Variants in MARCHF4 observed in about 807,000 individuals in gnomAD.
MARCHF4 encodes E3 ubiquitin-protein ligase MARCHF4.
A neutral mutation model predicts 43.9 loss-of-function variants in MARCHF4; 14 were observed. That is an observed-to-expected ratio of 0.32 (90% CI 0.21 to 0.50). The LOEUF is 0.50. Ranked by LOEUF, MARCHF4 falls within the 20% of genes least tolerant of loss-of-function variation. MARCHF4 has a pLI of 0.98. For missense variants in MARCHF4, 468 were observed against 536.7 expected, an observed-to-expected ratio of 0.87 and a Z score of 1.27; for synonymous variants, 226 against 213.3, an observed-to-expected ratio of 1.06 and a Z score of -0.52.
intron 3 of MARCHF4, among the ~76,000 whole-genome samples, chr2:216,261,604 A>G (rs1433261325): frequency 5.9e-5 from 9 of 152,168 alleles, no homozygotes; most frequent in African/African-American, 2.2e-4. Flanking sequence ...TACTAGCTAC[A>G]TTTTGGTCAT....
At chr2:216,289,697 C>T (rs1224625299) in intron 1 of MARCHF4, among the ~76,000 whole-genome samples, 1 of 152,156 alleles carries the variant, frequency 6.6e-6, no homozygotes, top group African/African-American at 2.4e-5. Flanking sequence ...CTTTTCTGCC[C>T]ACACAGGTGT....
chr2:216,358,232 C>G (rs1692529377), intron 1 of MARCHF4, among the ~76,000 whole-genome samples: 1 of 152,174 alleles, frequency 6.6e-6, no homozygotes, highest in African/African-American at 2.4e-5. Flanking sequence ...CACACATCTA[C>G]TGCACAGTAA....
intron 3 of MARCHF4, among the ~76,000 whole-genome samples, chr2:216,265,312 G>T (rs1044183868): frequency 6.6e-6 from 1 of 152,150 alleles, no homozygotes; most frequent in African/African-American, 2.4e-5. Flanking sequence ...GGCTGTATTT[G>T]TGGGAAATCC....
chr2:216,332,938 G>A (rs1336684322), intron 1 of MARCHF4, among the ~76,000 whole-genome samples: 2 of 152,168 alleles, frequency 1.3e-5, no homozygotes, highest in African/African-American at 4.8e-5. Context: ...TTAATAAATA[G>A]TTGCTGTGTA....
intron 1 of MARCHF4, among the ~76,000 whole-genome samples, chr2:216,326,356 G>A (rs1691991472): frequency 6.7e-6 from 1 of 148,614 alleles, no homozygotes; most frequent in Non-Finnish European, 1.5e-5. Flanking sequence ...CTTTTACACT[G>A]TTGGTGGGAC....
At chr2:216,354,985 T>G (rs554831845) in intron 1 of MARCHF4, among the ~76,000 whole-genome samples, 1 of 145,774 alleles carries the variant, frequency 6.9e-6, no homozygotes, top group Non-Finnish European at 1.5e-5. Context: ...CTTTCTTTCT[T>G]TTTTGAGACA....
intron 1 of MARCHF4, among the ~76,000 whole-genome samples, chr2:216,346,694 G>A (rs1299068250): frequency 6.6e-6 from 1 of 152,214 alleles, no homozygotes. Flanking sequence ...TGGTCCATAG[G>A]TTGGGGCAAA....
intron 1 of MARCHF4, among the ~76,000 whole-genome samples, chr2:216,315,312 T>C (rs1380369331): frequency 1.3e-5 from 2 of 152,222 alleles, no homozygotes; most frequent in Admixed American, 1.3e-4. Flanking sequence ...AAGTATTCTA[T>C]TCTCTGCTAG....
Position 216,274,704 on chromosome 2 carries a change from G to A in MARCHF4, c.865+2968C>T, listed in dbSNP as rs1690993775. ...TTACTCCTTTTTATTTCTTCTCCTA[G>A]CATTTTCCCCTGTGGACAGCCTTTC... On this transcript the variant is annotated intron_variant, in intron 3 of 3. Coordinates refer to ENST00000273067, the MANE Select transcript of MARCHF4 (RefSeq NM_020814.3). 2.0e-5 allele frequency among the ~76,000 whole-genome samples: 3 copies of A among 152,228 alleles called. No homozygotes were observed. The South Asian group carries it at 6.2e-4, about 32-fold the overall frequency.
intron 1 of MARCHF4, among the ~76,000 whole-genome samples, chr2:216,339,113 G>A (rs769268390): frequency 1.5e-4 from 23 of 152,162 alleles, no homozygotes; most frequent in Non-Finnish European, 3.2e-4. Flanking sequence ...GGGGAGCCTT[G>A]GACCAGTCTT....
chr2:216,283,767 T>G, intron 1 of MARCHF4, 38 bp from the exon 2 acceptor site: 1 of 1,542,730 alleles, frequency 6.5e-7, no homozygotes, highest in Non-Finnish European at 8.8e-7. Flanking sequence ...GGCTGAGACC[T>G]ACAGTGGCTG....
chr2:216,320,889 C>T lies in MARCHF4; in HGVS notation c.517-37160G>A, dbSNP rs913742581. ...AGAGACGGGGTTTCACCATGTTGGTCAGTCTGGTCTCGAACTCCTGACCTC... is the reference window on the plus strand; with the variant it reads ...AGAGACGGGGTTTCACCATGTTGGTTAGTCTGGTCTCGAACTCCTGACCTC... On this transcript the variant is annotated intron_variant, in intron 1 of 3. Coordinates refer to ENST00000273067, the MANE Select transcript of MARCHF4 (RefSeq NM_020814.3). Among the ~76,000 whole-genome samples the T allele has an allele frequency of 3.7e-5, 5 of 136,350 alleles. No individual in the cohort carries two copies. In the South Asian group the frequency reaches 9.4e-4, roughly 26 times the overall value. The allele number at this position is 136,350 out of a possible 152,430, so 89.5% of individuals were successfully genotyped here.
intron 3 of MARCHF4, among the ~76,000 whole-genome samples, chr2:216,268,396 C>A (rs143526595): frequency 2.0e-5 from 3 of 152,320 alleles, no homozygotes; most frequent in Non-Finnish European, 4.4e-5. Context: ...GACCTATAAT[C>A]CCTACATGTC....
At chr2:216,365,517 C>G (rs778184929) in intron 1 of MARCHF4, among the ~76,000 whole-genome samples, 4 of 152,206 alleles carry the variant, frequency 2.6e-5, no homozygotes, top group Non-Finnish European at 4.4e-5. Flanking sequence ...GGTTGCTCCA[C>G]AAAGATAAAA....
At chr2:216,303,533 T>C (rs1029139551) in intron 1 of MARCHF4, 3 of 152,294 alleles carry the variant, frequency 2.0e-5, no homozygotes, top group Non-Finnish European at 2.9e-5. Context: ...AAATGAAGTA[T>C]GGCTGGGCCA....
In MARCHF4 at chr2:216,303,643, G is replaced by A. The variant is rs1691532621; in HGVS notation, c.517-19914C>T. On this transcript the variant is annotated intron_variant, in intron 1 of 3. Transcript: ENST00000273067. ...TGATGGTGTAAAGGATGAAGAACAA[G>A]CTCTGAGGAAGGTTAGGTAAGTTCC... 1.3e-5 allele frequency: 2 copies of A among 152,212 alleles called. 1 individual carries two copies. The highest frequency in any genetic ancestry group is 4.1e-4 in the South Asian group (2 of 4,820). 9.4% of individuals were successfully genotyped at this position (152,212 alleles called of 1,614,324 possible).
chr2:216,281,547 G>A (rs1165494949), intron 2 of MARCHF4, among the ~76,000 whole-genome samples: 1 of 152,228 alleles, frequency 6.6e-6, no homozygotes, highest in African/African-American at 2.4e-5. Flanking sequence ...CTGGGGCATA[G>A]TAGCCCAGAA....
chr2:216,259,298 C>T lies in MARCHF4; in HGVS notation c.*14G>A. 2.0e-6 allele frequency: 3 copies of T among 1,520,848 alleles called. No individual in the cohort carries two copies. The highest frequency in any genetic ancestry group is 1.4e-5 in the African/African-American group (1 of 72,138). 94.2% of individuals were successfully genotyped at this position (1,520,848 alleles called of 1,614,324 possible). ...CTCAGTGGTGGTCATGGCCTTCCTT[C>T]CGGGCCTCTGCTCTCACACTGTCGT... On this transcript the variant is annotated 3_prime_UTR_variant, in exon 4 of 4. Transcript: ENST00000273067.
At chr2:216,295,972 C>T (rs926471264) in intron 1 of MARCHF4, among the ~76,000 whole-genome samples, 4 of 152,170 alleles carry the variant, frequency 2.6e-5, no homozygotes, top group Non-Finnish European at 5.9e-5. Flanking sequence ...ATGGCGAAAC[C>T]CTGTTTCTAC....
Sources: gnomAD v4.1 joint callset for allele counts (sites outside exome capture counted in the v4.1 genomes callset) on GRCh38, gnomAD v4.1.1 for gene constraint, MANE v1.5 for transcripts, NCBI Gene and HGNC (gene_info 2026-07-23, HGNC 2026-07-21) for gene names.